Variants in TMEM108 observed in about 807,000 individuals in gnomAD.
TMEM108 encodes the protein cancer/testis antigen 124.
In TMEM108, 12 loss-of-function variants were observed where a neutral mutation model predicts 35.1. The observed-to-expected ratio is 0.34, with a 90% CI of 0.22 to 0.55. The LOEUF (loss-of-function observed/expected upper bound fraction) is 0.55, where lower values mean the gene tolerates loss of function less well. Ranked by LOEUF, TMEM108 falls within the 20% of genes least tolerant of loss-of-function variation. TMEM108 has a pLI of 0.89. For missense variants in TMEM108, 680 were observed against 753.3 expected (o/e 0.90, Z 1.14); for synonymous variants, 287 against 308.6 (o/e 0.93, Z 0.73).
intron 3 of TMEM108, among the ~76,000 whole-genome samples, chr3:133,349,016 CAT>C (rs1198599197): frequency 1.3e-5 from 2 of 151,974 alleles, no homozygotes; most frequent in Admixed American, 6.6e-5. Flanking sequence ...CTAGCCTTGA[CAT>C]ATTAAAAAAT....
chr3:133,318,920 C>A (rs868006034), intron 3 of TMEM108, among the ~76,000 whole-genome samples: 116 of 135,968 alleles, frequency 8.5e-4, no homozygotes, highest in Admixed American at 1.0e-3. Context: ...GCGAGATAGG[C>A]AAAAAAAAAA....
chr3:133,293,233 G>A (rs901916280), intron 3 of TMEM108, among the ~76,000 whole-genome samples: 14 of 151,858 alleles, frequency 9.2e-5, no homozygotes, highest in African/African-American at 3.4e-4. Context: ...TCAACACTGA[G>A]TCCACAGATG....
chr3:133,083,761 A>C (rs1403557519), intron 2 of TMEM108, among the ~76,000 whole-genome samples: 4 of 152,194 alleles, frequency 2.6e-5, no homozygotes, highest in African/African-American at 9.6e-5. Context: ...CATTTTGCTA[A>C]GGGACTTTCA....
chr3:133,227,185 CTTTCTT>C (rs1946084029), intron 2 of TMEM108, among the ~76,000 whole-genome samples: 1 of 114,570 alleles, frequency 8.7e-6, no homozygotes, highest in Non-Finnish European at 1.8e-5. Context: ...TAAGGAAGGC[CTTTCTT>C]TTTTTTTTTT....
chr3:133,309,791 C>T (rs2071098661), intron 3 of TMEM108, among the ~76,000 whole-genome samples: 1 of 141,976 alleles, frequency 7.0e-6, no homozygotes, highest in Non-Finnish European at 1.5e-5. Context: ...AGCTCCGCCT[C>T]CCGGGTTCAC....
At position 133,382,640 on chromosome 3, in the gene TMEM108, A is replaced by G. The variant is rs2073043557; in HGVS notation, c.1450+1479A>G. On this transcript the variant is annotated intron_variant, in intron 4 of 5. Coordinates refer to ENST00000321871, the MANE Select transcript of TMEM108 (RefSeq NM_023943.4). ...GCTGGTTGTATTGGCTTCAGGTCATACATAGGCTTGCCCTGATCTCAAGAG... is the reference window on the plus strand; with the variant it reads ...GCTGGTTGTATTGGCTTCAGGTCATGCATAGGCTTGCCCTGATCTCAAGAG... Among the ~76,000 whole-genome samples, 2 of 152,344 alleles carry G rather than the reference A, an allele frequency of 1.3e-5. 1 individual carries two copies. The highest frequency in any genetic ancestry group is 4.1e-4 in the South Asian group (2 of 4,832).
At chr3:133,242,482 G>A (rs1263105545) in intron 3 of TMEM108, among the ~76,000 whole-genome samples, 1 of 152,218 alleles carries the variant, frequency 6.6e-6, no homozygotes, top group Non-Finnish European at 1.5e-5. Flanking sequence ...AGAGAGCTGA[G>A]TGTTTTAAAA....
chr3:133,271,261 G>A (rs1205326996), intron 3 of TMEM108, among the ~76,000 whole-genome samples: 1 of 152,208 alleles, frequency 6.6e-6, no homozygotes, highest in Non-Finnish European at 1.5e-5. Flanking sequence ...TTGGGAAACA[G>A]GAGGAGGACC....
intron 3 of TMEM108, among the ~76,000 whole-genome samples, chr3:133,231,275 A>G (rs1946149691): frequency 6.6e-6 from 1 of 152,222 alleles, no homozygotes; most frequent in African/African-American, 2.4e-5. Flanking sequence ...ATGATTGAGT[A>G]TTCTGGTTTT....
intron 2 of TMEM108, among the ~76,000 whole-genome samples, chr3:133,196,288 A>G (rs1945575500): frequency 6.6e-6 from 1 of 152,214 alleles, no homozygotes; most frequent in Non-Finnish European, 1.5e-5. Context: ...AAAAATACCA[A>G]GATATTTTGA....
chr3:133,357,708 T>C (rs1353973022), intron 3 of TMEM108, among the ~76,000 whole-genome samples: 1 of 152,148 alleles, frequency 6.6e-6, no homozygotes, highest in Non-Finnish European at 1.5e-5. Flanking sequence ...GTATCACTTA[T>C]AAGTGGCAGC....
chr3:133,154,056 T>C (rs138416970), intron 2 of TMEM108, among the ~76,000 whole-genome samples: 4 of 152,296 alleles, frequency 2.6e-5, no homozygotes, highest in Non-Finnish European at 5.9e-5. Flanking sequence ...AAAAAAAATT[T>C]TCATGTGTTT....
At chr3:133,048,133 C>T (rs1264414373) in intron 2 of TMEM108, among the ~76,000 whole-genome samples, 3 of 152,130 alleles carry the variant, frequency 2.0e-5, no homozygotes, top group Non-Finnish European at 4.4e-5. Flanking sequence ...AGAAAGAAGG[C>T]TGTTCAAAAG....
chr3:133,213,538 G>T (rs770397236), intron 2 of TMEM108, among the ~76,000 whole-genome samples: 8 of 152,170 alleles, frequency 5.3e-5, no homozygotes, highest in Non-Finnish European at 1.0e-4. Flanking sequence ...AACTGCTATT[G>T]AGGATGCTAA....
At chr3:133,352,202 T>C (rs1559920380) in intron 3 of TMEM108, among the ~76,000 whole-genome samples, 1 of 152,180 alleles carries the variant, frequency 6.6e-6, no homozygotes, top group Non-Finnish European at 1.5e-5. Flanking sequence ...GTTGCTGCCA[T>C]ACATGCCCAT....
intron 2 of TMEM108, among the ~76,000 whole-genome samples, chr3:133,213,360 A>C (rs531104122): frequency 6.6e-6 from 1 of 152,326 alleles, no homozygotes; most frequent in African/African-American, 2.4e-5. Flanking sequence ...AAATTAAGTA[A>C]CTTACCCAAG....
intron 2 of TMEM108, among the ~76,000 whole-genome samples, chr3:133,052,241 C>A (rs998123608): frequency 6.6e-6 from 1 of 151,994 alleles, no homozygotes; most frequent in African/African-American, 2.4e-5. Flanking sequence ...TTTGGAGATA[C>A]TAATATAAAT....
intron 1 of TMEM108, among the ~76,000 whole-genome samples, chr3:133,040,927 C>T (rs1262068486): frequency 6.6e-6 from 1 of 152,176 alleles, no homozygotes; most frequent in African/African-American, 2.4e-5. Context: ...CATGCCTAAG[C>T]AGTAGTGTCC....
At position 133,251,310 on chromosome 3, in the gene TMEM108, A is replaced by G. The variant is rs1162276260; in HGVS notation, c.40+21959A>G. On this transcript the variant is annotated intron_variant, in intron 3 of 5. Transcript: ENST00000321871. ...TGGCTTTAAAAGATTATCCTTCTCCAAATCAAATTGTTATGGACATTTATT... is the reference window on the plus strand; with the variant it reads ...TGGCTTTAAAAGATTATCCTTCTCCGAATCAAATTGTTATGGACATTTATT... Among the ~76,000 whole-genome samples, 19 of 152,212 alleles carry G rather than the reference A, an allele frequency of 1.2e-4. 1 individual carries two copies. Among genetic ancestry groups the G allele is most frequent in the Admixed American group, 1.2e-3 (19 of 15,278 alleles).
Sources: gnomAD v4.1 joint callset for allele counts (sites outside exome capture counted in the v4.1 genomes callset) on GRCh38, gnomAD v4.1.1 for gene constraint, MANE v1.5 for transcripts, NCBI Gene and HGNC (gene_info 2026-07-23, HGNC 2026-07-21) for gene names.